Variants in APOLD1 observed in about 807,000 individuals in gnomAD.
The protein encoded by APOLD1 is apolipoprotein L domain containing 1, also known as apolipoprotein L domain-containing protein 1.
APOLD1 carries 22 observed loss-of-function variants against 15.3 expected under a neutral mutation model. The observed-to-expected ratio is 1.44, with a 90% CI of 1.03 to 2.05. The LOEUF is 2.05. Among genes scored for constraint, APOLD1 ranks in the 30% most tolerant of loss-of-function variants. The pLI is 0.00. For synonymous variants in APOLD1, 190 were observed against 167.4 expected (o/e 1.13, Z -1.04); for missense variants, 394 against 353.5 (o/e 1.11, Z -0.92).
At chr12:12,758,989 T>C (rs1488639860) in intron 1 of APOLD1, among the ~76,000 whole-genome samples, 2 of 152,112 alleles carry the variant, frequency 1.3e-5, no homozygotes, top group Admixed American at 1.3e-4. Flanking sequence ...TCACAGCCAA[T>C]CTGATAACCA....
At chr12:12,773,362 A>G (rs1947002922) in intron 1 of APOLD1, among the ~76,000 whole-genome samples, 1 of 152,110 alleles carries the variant, frequency 6.6e-6, no homozygotes, top group Non-Finnish European at 1.5e-5. Flanking sequence ...GGAGTTCAAG[A>G]ACCAGGGTGG....
intron 1 of APOLD1, among the ~76,000 whole-genome samples, chr12:12,746,631 CATG>C (rs2136377134): frequency 6.6e-6 from 1 of 152,212 alleles, no homozygotes; most frequent in Non-Finnish European, 1.5e-5. Flanking sequence ...CATGGGAAAA[CATG>C]CTCTAATTTT....
chr12:12,774,026 A>G (rs1324101737), intron 1 of APOLD1, among the ~76,000 whole-genome samples: 1 of 152,204 alleles, frequency 6.6e-6, no homozygotes, highest in African/African-American at 2.4e-5. Flanking sequence ...ATGACCCTGG[A>G]CTTGGTGATT....
chr12:12,734,375 T>C (rs754789769), intron 1 of APOLD1, among the ~76,000 whole-genome samples: 4 of 152,244 alleles, frequency 2.6e-5, no homozygotes, highest in Non-Finnish European at 5.9e-5. Context: ...ACATTTCAAG[T>C]TAGCCGACTA....
chr12:12,731,970 C>T lies in APOLD1; in HGVS notation c.96+5874C>T, dbSNP rs1172101763. The stretch of plus-strand genomic sequence containing the variant: ...TCCTTACTTTGTACATAGAAATCCC[C>T]CGAATCAGCCTCTTAAGGCCAGCAC... On this transcript the variant is annotated intron_variant, in intron 1 of 1. Transcript: ENST00000326765. Among the ~76,000 whole-genome samples the T allele has an allele frequency of 3.3e-5, 5 of 152,184 alleles. No individual in the cohort carries two copies. In the South Asian group the frequency reaches 6.2e-4, roughly 19 times the overall value.
At chr12:12,740,595 A>G (rs1253713546) in intron 1 of APOLD1, among the ~76,000 whole-genome samples, 4 of 152,214 alleles carry the variant, frequency 2.6e-5, no homozygotes, top group Non-Finnish European at 4.4e-5. Context: ...CTGTTTCCCT[A>G]AAAATGGGTT....
rs562372499 is a variant in APOLD1, at chr12:12,747,668, T to C, written c.96+21572T>C. On this transcript the variant is annotated intron_variant, in intron 1 of 1. Coordinates refer to the APOLD1 transcript ENST00000326765. Reference sequence around the variant, plus strand: ...ATTTGATCCTCTCCCTCCATTCCTTTATCTTATTTCTTAGTTGGCTGTAAA... The same window carrying C: ...ATTTGATCCTCTCCCTCCATTCCTTCATCTTATTTCTTAGTTGGCTGTAAA... 8.5e-5 allele frequency among the ~76,000 whole-genome samples: 13 copies of C among 152,364 alleles called. No individual in the cohort carries two copies. In the South Asian group the frequency reaches 2.7e-3, roughly 32 times the overall value.
At chr12:12,760,276 T>C (rs986916147) in intron 1 of APOLD1, among the ~76,000 whole-genome samples, 17 of 150,894 alleles carry the variant, frequency 1.1e-4, no homozygotes, top group Non-Finnish European at 1.5e-5. Context: ...CAGTGAGCCA[T>C]GATCGTGCCA....
At chr12:12,728,662 T>A (rs1406158961) in intron 1 of APOLD1, among the ~76,000 whole-genome samples, 2 of 42,188 alleles carry the variant, frequency 4.7e-5, no homozygotes, top group Non-Finnish European at 7.7e-5. Flanking sequence ...TGAGACCCTG[T>A]CTCAAAAAAA....
rs11832373 is a variant in APOLD1, at chr12:12,729,605, G to A, written c.96+3509G>A. On this transcript the variant is annotated intron_variant, in intron 1 of 1. Coordinates refer to the APOLD1 transcript ENST00000326765. ...GGATTTTAAGACCAGCTTGGACAAC[G>A]TAGCAAGACCTGTTTCTAAAAAATA... Among the ~76,000 whole-genome samples the A allele has an allele frequency of 7.6e-3, 1,148 of 152,010 alleles. 11 individuals are homozygous for A. The highest frequency in any genetic ancestry group is 0.026 in the African/African-American group (1,085 of 41,454).
intron 1 of APOLD1, among the ~76,000 whole-genome samples, chr12:12,769,353 T>C (rs1356350145): frequency 6.6e-6 from 1 of 151,896 alleles, no homozygotes; most frequent in Non-Finnish European, 1.5e-5. Flanking sequence ...AAACCCCAAA[T>C]TGGAAACACA....
At chr12:12,770,259 G>C (rs1946976615) in intron 1 of APOLD1, among the ~76,000 whole-genome samples, 2 of 152,104 alleles carry the variant, frequency 1.3e-5, no homozygotes, top group African/African-American at 4.8e-5. Flanking sequence ...ACAAAAATTA[G>C]CCGGGCATGG....
At chr12:12,770,884 T>C (rs1198476003) in intron 1 of APOLD1, among the ~76,000 whole-genome samples, 1 of 151,916 alleles carries the variant, frequency 6.6e-6, no homozygotes, top group Non-Finnish European at 1.5e-5. Context: ...AAAAATCTTA[T>C]AGAGAAGAAA....
intron 1 of APOLD1, among the ~76,000 whole-genome samples, chr12:12,768,902 A>G (rs949997055): frequency 1.3e-5 from 2 of 151,948 alleles, no homozygotes; most frequent in Non-Finnish European, 2.9e-5. Flanking sequence ...TAGGAACATT[A>G]GTTTCCATTC....
upstream of APOLD1, among the ~76,000 whole-genome samples, chr12:12,784,087 G>A (rs185796782): frequency 5.3e-5 from 8 of 152,176 alleles, no homozygotes; most frequent in East Asian, 7.7e-4. Context: ...CAGTATACAC[G>A]CTGTCTATTT....
intron 1 of APOLD1, among the ~76,000 whole-genome samples, chr12:12,764,050 C>A (rs1946924983): frequency 6.6e-6 from 1 of 151,378 alleles, no homozygotes; most frequent in South Asian, 2.1e-4. Flanking sequence ...GCAACCTCTG[C>A]CTCCCGGGTT....
intron 1 of APOLD1, among the ~76,000 whole-genome samples, chr12:12,753,910 T>C (rs1035822923): frequency 6.6e-6 from 1 of 151,722 alleles, no homozygotes; most frequent in African/African-American, 2.4e-5. Flanking sequence ...ATCAGTGATA[T>C]TGTATTAAAA....
At chr12:12,750,106 C>T (rs1252014481) in intron 1 of APOLD1, among the ~76,000 whole-genome samples, 2 of 152,148 alleles carry the variant, frequency 1.3e-5, no homozygotes, top group Non-Finnish European at 2.9e-5. Context: ...GGCGCGGTGG[C>T]TCACGCCTGT....
chr12:12,727,317 A>G lies in APOLD1; in HGVS notation c.96+1221A>G, dbSNP rs186024864. Among the ~76,000 whole-genome samples the G allele has an allele frequency of 1.6e-3, 243 of 152,314 alleles. 1 individual carries two copies. Among genetic ancestry groups the G allele is most frequent in the African/African-American group, 5.7e-3 (236 of 41,570 alleles). The stretch of plus-strand genomic sequence containing the variant: ...TTACCTATTGAAATAATATTTTGTC[A>G]TATTGGGCTAAATAAAATATATTAT... On this transcript the variant is annotated intron_variant, in intron 1 of 1. Transcript: ENST00000326765.
Sources: gnomAD v4.1 joint callset for allele counts (sites outside exome capture counted in the v4.1 genomes callset) on GRCh38, gnomAD v4.1.1 for gene constraint, MANE v1.5 for transcripts, NCBI Gene and HGNC (gene_info 2026-07-23, HGNC 2026-07-21) for gene names.